ARHGAP29: variants seen among roughly 807,000 people sequenced by gnomAD.
ARHGAP29 encodes Rho GTPase activating protein 29.
ARHGAP29 carries 43 observed loss-of-function variants against 122.6 expected under a neutral mutation model. The observed-to-expected ratio is 0.35, with a 90% confidence interval of 0.27 to 0.45. ARHGAP29 has a LOEUF of 0.45. Among genes scored for constraint, ARHGAP29 ranks in the 20% least tolerant of loss-of-function variants. The pLI is 1.00. For missense variants in ARHGAP29, 1,303 were observed against 1,477.2 expected, an observed-to-expected ratio of 0.88 and a Z score of 1.93; for synonymous variants, 506 against 497.1, an observed-to-expected ratio of 1.02 and a Z score of -0.24.
At chr1:94,294,844 AAG>A in the ARHGAP29 span, among the ~76,000 whole-genome samples, 1 of 152,230 alleles carries the variant, frequency 6.6e-6, no homozygotes, top group Non-Finnish European at 1.5e-5. Flanking sequence ...GCAAGAAATG[AAG>A]AGTTTTGAGA....
intron 3 of ARHGAP29, 74 bp downstream of exon 3, chr1:94,220,184 T>TAGACCAAATATA: frequency 6.5e-7 from 1 of 1,547,216 alleles, no homozygotes; most frequent in Non-Finnish European, 8.9e-7. Context: ...TGGCTATATA[T>TAGACCAAATATA]TCACTATAGA....
intron 1 of ARHGAP29, 71 bp downstream of exon 1, chr1:94,237,344 C>G: frequency 2.1e-6 from 2 of 966,520 alleles, no homozygotes; most frequent in South Asian, 9.6e-5. Context: ...TTCGCGGGCG[C>G]TCGCGCGGGC....
chr1:94,188,992 G>A, intron 14 of ARHGAP29, 51 bp from the exon 15 acceptor site: 1 of 1,528,426 alleles, frequency 6.5e-7, no homozygotes, highest in Non-Finnish European at 9.0e-7. Flanking sequence ...GATTTCATAA[G>A]GTAAAATACT....
chr1:94,205,545 G>A (rs1651135805), intron 6 of ARHGAP29, 90 bp downstream of exon 6: 1 of 1,223,256 alleles, frequency 8.2e-7, no homozygotes, highest in Non-Finnish European at 1.2e-6. Flanking sequence ...GAATACACTA[G>A]GTTACTAAGC....
chr1:94,177,445 G>A (rs770822017), intron 22 of ARHGAP29, 167 bp downstream of exon 22: 5 of 474,822 alleles, frequency 1.1e-5, no homozygotes, highest in Non-Finnish European at 1.9e-5. Context: ...TCATTTAAAT[G>A]CAAGATACAC....
chr1:94,223,426 T>C (rs1652434315), intron 2 of ARHGAP29, among the ~76,000 whole-genome samples: 1 of 150,690 alleles, frequency 6.6e-6, no homozygotes, highest in Non-Finnish European at 1.5e-5. Context: ...TCCTCATCTA[T>C]AAAAAAAAAG....
intron 1 of ARHGAP29, among the ~76,000 whole-genome samples, chr1:94,243,285 A>T (rs955225934): frequency 1.3e-5 from 2 of 152,096 alleles, no homozygotes; most frequent in African/African-American, 4.8e-5. Flanking sequence ...TTCATAAGAT[A>T]GGCCATATAT....
At chr1:94,236,537 G>A (rs1653273878) in intron 1 of ARHGAP29, among the ~76,000 whole-genome samples, 1 of 152,158 alleles carries the variant, frequency 6.6e-6, no homozygotes, top group African/African-American at 2.4e-5. Context: ...CCTGCCATTA[G>A]CAGGTAATAT....
rs11165093 is a variant in ARHGAP29, at chr1:94,211,911, A to G, written c.341-2561T>C. On this transcript the variant is annotated intron_variant, in intron 3 of 22. Coordinates refer to ENST00000260526, the MANE Select transcript of ARHGAP29 (RefSeq NM_004815.4). ...TAATGCTATCCCTCCCTCCTCCCCC[A>G]ACCCCACAACAGTCCCTGGTGTGTG... Among the ~76,000 whole-genome samples the G allele has an allele frequency of 4.3e-4, 65 of 152,044 alleles. No individual in the cohort carries two copies. The East Asian group carries it at 8.3e-3, about 20-fold the overall frequency.
chr1:94,172,231 C>G lies in ARHGAP29; in HGVS notation c.*1638G>C, dbSNP rs1024938704. ...AGAAATAATAACATGCTTACCCACC[C>G]ATTATAGGTTGCTGTGAACTTGAAA... On this transcript the variant is annotated 3_prime_UTR_variant, in exon 23 of 23. Transcript: ENST00000260526. The G allele has an allele frequency of 2.6e-5, 4 of 152,130 alleles. No homozygotes were observed. The highest frequency in any genetic ancestry group is 4.4e-5 in the Non-Finnish European group (3 of 68,018). The allele number at this position is 152,130 out of a possible 1,614,324, so 9.4% of individuals were successfully genotyped here. A position where few individuals can be genotyped will look rare whatever the true frequency, so the allele number is the denominator to read the frequency against.
Position 94,169,154 on chromosome 1 carries a change from TTCTC to T in ARHGAP29, c.*4711_*4714del, listed in dbSNP as rs1374640148. Among the ~76,000 whole-genome samples, 1 of 152,256 alleles carries T rather than the reference TTCTC, an allele frequency of 6.6e-6. No homozygotes were observed. The highest frequency in any genetic ancestry group is 1.5e-5 in the Non-Finnish European group (1 of 68,048). On this transcript the variant is annotated 3_prime_UTR_variant, in exon 23 of 23. Coordinates refer to ENST00000260526, the MANE Select transcript of ARHGAP29 (RefSeq NM_004815.4). The stretch of plus-strand genomic sequence containing the variant: ...ATGTATAATCGTACACTTTTAAACT[TTCTC>T]TGATAAATTCAGTGAGTATTCAATA...
chr1:94,287,043 A>G, the ARHGAP29 span, among the ~76,000 whole-genome samples: 1 of 152,268 alleles, frequency 6.6e-6, no homozygotes, highest in South Asian at 2.1e-4. Context: ...CCACCAGACA[A>G]CAGTCACAAG....
At chr1:94,299,060 T>C in the ARHGAP29 span, among the ~76,000 whole-genome samples, 1 of 152,304 alleles carries the variant, frequency 6.6e-6, no homozygotes, top group East Asian at 1.9e-4. Flanking sequence ...ACACTGGGTC[T>C]GTTTTGAAAT....
At chr1:94,310,706 A>G in the ARHGAP29 span, among the ~76,000 whole-genome samples, 1 of 152,054 alleles carries the variant, frequency 6.6e-6, no homozygotes, top group East Asian at 1.9e-4. Context: ...TCAAAGGCCA[A>G]CATGGTAATC....
At chr1:94,271,436 T>G (rs1654990847) in intron 1 of ARHGAP29, among the ~76,000 whole-genome samples, 1 of 152,148 alleles carries the variant, frequency 6.6e-6, no homozygotes, top group Non-Finnish European at 1.5e-5. Context: ...AAGAGAAGAT[T>G]ATTTCTTTTT....
At chr1:94,296,418 T>C in the ARHGAP29 span, among the ~76,000 whole-genome samples, 2 of 152,226 alleles carry the variant, frequency 1.3e-5, no homozygotes, top group African/African-American at 4.8e-5. Flanking sequence ...TTATTAGTTA[T>C]TGTTGTTAAA....
intron 12 of ARHGAP29, chr1:94,190,810 C>T (rs1451200245): frequency 1.3e-5 from 2 of 151,934 alleles, no homozygotes; most frequent in African/African-American, 2.4e-5. Flanking sequence ...GGGTGGTACG[C>T]GAGAGAAGTA....
At position 94,210,293 on chromosome 1, in the gene ARHGAP29, TCTTGG is replaced by T. The variant is rs1320857243; in HGVS notation, c.341-948_341-944del. On this transcript the variant is annotated intron_variant, in intron 3 of 22. Transcript: ENST00000260526. The stretch of plus-strand genomic sequence containing the variant: ...TATTTTAAAACAGAGTTGTCTTTAA[TCTTGG>T]CTGCACATTAGAATTACCTGGGGAG... 3.9e-5 allele frequency among the ~76,000 whole-genome samples: 6 copies of T among 152,336 alleles called. No individual in the cohort carries two copies. The East Asian group carries it at 9.6e-4, about 24-fold the overall frequency.
chr1:94,213,090 T>C (rs1429263181), intron 3 of ARHGAP29, among the ~76,000 whole-genome samples: 1 of 152,234 alleles, frequency 6.6e-6, no homozygotes, highest in Admixed American at 6.5e-5. Context: ...GGTCATGCCA[T>C]GGCCTATATT....
Sources: gnomAD v4.1 joint callset for allele counts (sites outside exome capture counted in the v4.1 genomes callset) on GRCh38, gnomAD v4.1.1 for gene constraint, MANE v1.5 for transcripts, NCBI Gene and HGNC (gene_info 2026-07-23, HGNC 2026-07-21) for gene names.